The following EPHA6 variants were observed in gnomAD, a reference collection of about 807,000 sequenced individuals.
EPHA6 encodes EPH receptor A6.
A neutral mutation model predicts 112.0 loss-of-function variants in EPHA6; 50 were observed. The ratio of observed to expected loss-of-function variants is 0.45; its 90% CI spans 0.36 to 0.56. The LOEUF is 0.56. Ranked by LOEUF, EPHA6 falls within the 20% of genes least tolerant of loss-of-function variation. EPHA6 has a pLI of 0.00. For synonymous variants in EPHA6, 529 were observed against 490.7 expected (o/e 1.08, Z -1.03); for missense variants, 1,280 against 1,417.4 (o/e 0.90, Z 1.56).
chr3:97,557,876 A>G (rs1162180358), intron 11 of EPHA6, among the ~76,000 whole-genome samples: 1 of 151,794 alleles, frequency 6.6e-6, no homozygotes, highest in Non-Finnish European at 1.5e-5. Context: ...ATATCTCATT[A>G]TAATCCCTTA....
intron 2 of EPHA6, among the ~76,000 whole-genome samples, chr3:96,907,258 TTTC>T (rs1414993206): frequency 1.3e-5 from 2 of 151,898 alleles, no homozygotes; most frequent in Non-Finnish European, 2.9e-5. Flanking sequence ...AGTCATTTAT[TTTC>T]TTATTTATTT....
intron 14 of EPHA6, among the ~76,000 whole-genome samples, chr3:97,690,144 C>G (rs1345673570): frequency 6.6e-6 from 1 of 152,076 alleles, no homozygotes; most frequent in East Asian, 1.9e-4. Context: ...TTGGGTATAT[C>G]CCTAGAAGTG....
intron 2 of EPHA6, among the ~76,000 whole-genome samples, chr3:96,931,298 G>A (rs1419874356): frequency 6.6e-6 from 1 of 151,896 alleles, no homozygotes; most frequent in Non-Finnish European, 1.5e-5. Context: ...AGAAGCAGCT[G>A]CCATCTGGCA....
chr3:97,571,422 G>A (rs923051403), intron 11 of EPHA6, among the ~76,000 whole-genome samples: 1 of 152,062 alleles, frequency 6.6e-6, no homozygotes, highest in African/African-American at 2.4e-5. Flanking sequence ...TGAAGCAATT[G>A]CATATGTTAG....
Position 97,749,395 on chromosome 3 carries a change from C to A in EPHA6, c.*694C>A, listed in dbSNP as rs138313661. Among the ~76,000 whole-genome samples, 9 of 152,188 alleles carry A rather than the reference C, an allele frequency of 5.9e-5. No homozygotes were observed. The East Asian group carries it at 1.7e-3, about 29-fold the overall frequency. On this transcript the variant is annotated 3_prime_UTR_variant, in exon 18 of 18. Coordinates refer to ENST00000389672, the MANE Select transcript of EPHA6 (RefSeq NM_001080448.3). ...TAACTTTATAATGTCATACATATTT[C>A]ATAGTAGGTGGTAGTTTAAAGGCTT...
intron 3 of EPHA6, among the ~76,000 whole-genome samples, chr3:97,028,769 T>G (rs950517515): frequency 6.6e-5 from 10 of 152,010 alleles, no homozygotes; most frequent in African/African-American, 2.2e-4. Flanking sequence ...TGATTTCTCA[T>G]TAATACAACT....
At chr3:97,053,524 C>A (rs898631911) in intron 3 of EPHA6, among the ~76,000 whole-genome samples, 2 of 152,054 alleles carry the variant, frequency 1.3e-5, no homozygotes, top group African/African-American at 4.8e-5. Flanking sequence ...ATCTTTAAAT[C>A]CAGGTAAACT....
intron 14 of EPHA6, among the ~76,000 whole-genome samples, chr3:97,651,688 T>C (rs2094108431): frequency 6.6e-6 from 1 of 151,936 alleles, no homozygotes; most frequent in African/African-American, 2.4e-5. Context: ...CTCTCCCTTT[T>C]CCCATGATTT....
Position 97,254,270 on chromosome 3 carries a change from C to T in EPHA6, c.1606+9983C>T, listed in dbSNP as rs192241666. Among the ~76,000 whole-genome samples, 691 of 152,248 alleles carry T rather than the reference C, an allele frequency of 4.5e-3. 1 individual carries two copies. The highest frequency in any genetic ancestry group is 0.015 in the African/African-American group (643 of 41,554). On this transcript the variant is annotated intron_variant, in intron 5 of 17. Transcript: ENST00000389672. ...GTGGCGCGATCTCGGCTCACTGCAA[C>T]TTCTGCCTCCTGGGTTCAAGCGATT...
At chr3:97,589,871 A>G (rs922853808) in intron 11 of EPHA6, among the ~76,000 whole-genome samples, 1 of 152,218 alleles carries the variant, frequency 6.6e-6, no homozygotes, top group African/African-American at 2.4e-5. Context: ...GATTTCATTT[A>G]CTTTTTAGCT....
Position 97,448,563 on chromosome 3 carries a change from C to T in EPHA6, c.1732-5C>T. The T allele has an allele frequency of 6.2e-7, 1 of 1,611,122 alleles. No homozygotes were observed. Among genetic ancestry groups the T allele is most frequent in the Non-Finnish European group, 8.5e-7 (1 of 1,178,798 alleles). On this transcript the variant is annotated splice_polypyrimidine_tract_variant and splice_region_variant and intron_variant, in intron 6 of 17. Coordinates refer to ENST00000389672, the MANE Select transcript of EPHA6 (RefSeq NM_001080448.3). ...TTTCCTTTCTCCTTTTTTTCTGTCC[C>T]CCAGGAACATGAGCAGCTGACCTAC...
chr3:97,416,136 A>G (rs2107159246), intron 6 of EPHA6, among the ~76,000 whole-genome samples: 1 of 152,144 alleles, frequency 6.6e-6, no homozygotes, highest in South Asian at 2.1e-4. Flanking sequence ...TTGTTTTAAT[A>G]TAGAAAAAAA....
intron 3 of EPHA6, among the ~76,000 whole-genome samples, chr3:97,205,555 A>C (rs2077693670): frequency 6.6e-6 from 1 of 152,060 alleles, no homozygotes; most frequent in Non-Finnish European, 1.5e-5. Flanking sequence ...ATGGAATGGG[A>C]AACCTATGTA....
intron 1 of EPHA6, among the ~76,000 whole-genome samples, chr3:96,829,768 A>G (rs1576076863): frequency 1.3e-5 from 2 of 152,222 alleles, no homozygotes; most frequent in Admixed American, 1.3e-4. Flanking sequence ...TCTGTATTAA[A>G]TGCTGATGAG....
chr3:97,228,141 G>C (rs1018567515), intron 4 of EPHA6, among the ~76,000 whole-genome samples: 1 of 152,090 alleles, frequency 6.6e-6, no homozygotes, highest in Non-Finnish European at 1.5e-5. Flanking sequence ...TGTTCAATAG[G>C]TTGTGGAATT....
chr3:97,387,464 C>T (rs527442961), intron 5 of EPHA6, among the ~76,000 whole-genome samples: 1 of 152,248 alleles, frequency 6.6e-6, no homozygotes, highest in Non-Finnish European at 1.5e-5. Context: ...ATTTTTAGAG[C>T]TGGGGCACAA....
chr3:97,411,014 G>A (rs2087676568), intron 6 of EPHA6, among the ~76,000 whole-genome samples: 1 of 151,238 alleles, frequency 6.6e-6, no homozygotes, highest in Non-Finnish European at 1.5e-5. Flanking sequence ...AGTCAATTTT[G>A]GATACAATTC....
chr3:97,175,701 G>GAATAATAGCAATAAGAATAATA (rs1202025392), intron 3 of EPHA6, among the ~76,000 whole-genome samples: 3 of 151,408 alleles, frequency 2.0e-5, no homozygotes, highest in Non-Finnish European at 4.4e-5. Flanking sequence ...ATTCACTGTT[G>GAATAATAGCAATAAGAATAATA]GCAGATAAGA....
At chr3:97,420,035 T>C (rs1398189138) in intron 6 of EPHA6, among the ~76,000 whole-genome samples, 1 of 152,156 alleles carries the variant, frequency 6.6e-6, no homozygotes, top group Non-Finnish European at 1.5e-5. Flanking sequence ...GGAAAAGCCT[T>C]CTGAAAAATG....
Sources: allele counts gnomAD v4.1 joint callset (sites outside exome capture counted in the v4.1 genomes callset), GRCh38; gene constraint gnomAD v4.1.1; transcripts MANE v1.5; gene names NCBI Gene and HGNC (gene_info 2026-07-23, HGNC 2026-07-21).